The following DLC1 variants were observed in gnomAD, a reference collection of about 807,000 sequenced individuals.
DLC1 encodes rho GTPase-activating protein 7.
In DLC1, 54 loss-of-function variants were observed where a neutral mutation model predicts 140.3. The observed-to-expected ratio is 0.38, with a 90% confidence interval of 0.31 to 0.48. The LOEUF is 0.48. DLC1 is among the 20% of genes least tolerant of loss of function. DLC1 has a pLI of 0.96. For missense variants in DLC1, 2,536 were observed against 1,907.0 expected (o/e 1.33, Z -6.14); for synonymous variants, 986 against 728.1 (o/e 1.35, Z -5.70).
chr8:13,415,017 T>C (rs1585068062), intron 2 of DLC1, among the ~76,000 whole-genome samples: 1 of 152,148 alleles, frequency 6.6e-6, no homozygotes, highest in East Asian at 1.9e-4. Context: ...TTTCACCATG[T>C]TGGTCAGGCT....
chr8:13,412,931 C>CA (rs771025112), intron 2 of DLC1, among the ~76,000 whole-genome samples: 27,886 of 93,578 alleles, frequency 0.3, 4,005 homozygotes, highest in Middle Eastern at 0.37. Flanking sequence ...GACTCCATCT[C>CA]AAAAAAAAAA....
At chr8:13,341,183 C>G (rs1017977850) in intron 4 of DLC1, 1 of 152,122 alleles carries the variant, frequency 6.6e-6, no homozygotes, top group Non-Finnish European at 1.5e-5. Context: ...ACACCAATAA[C>G]AAATGCATAA....
chr8:13,570,631 T>C (rs1017446891), intron 1 of DLC1, among the ~76,000 whole-genome samples: 5 of 151,442 alleles, frequency 3.3e-5, no homozygotes, highest in Admixed American at 2.0e-4. Context: ...GAACTCATCA[T>C]TTTTTATGGC....
intron 1 of DLC1, among the ~76,000 whole-genome samples, chr8:13,524,808 C>G (rs1000552436): frequency 6.6e-6 from 1 of 151,326 alleles, no homozygotes; most frequent in Non-Finnish European, 1.5e-5. Flanking sequence ...TTTGGCATTT[C>G]TCTTATGTAT....
At chr8:13,563,292 T>C (rs1314350801) in intron 1 of DLC1, among the ~76,000 whole-genome samples, 3 of 152,170 alleles carry the variant, frequency 2.0e-5, no homozygotes, top group Non-Finnish European at 4.4e-5. Flanking sequence ...AATTATTAGA[T>C]GATATTAAGG....
chr8:13,274,818 G>T (rs1831095904), intron 5 of DLC1, among the ~76,000 whole-genome samples: 1 of 149,818 alleles, frequency 6.7e-6, no homozygotes, highest in South Asian at 2.1e-4. Context: ...ATTATTTATA[G>T]AATCTTTTCA....
At chr8:13,182,413 G>T (rs1416612514) in intron 5 of DLC1, among the ~76,000 whole-genome samples, 4 of 152,002 alleles carry the variant, frequency 2.6e-5, no homozygotes, top group Admixed American at 2.6e-4. Context: ...TGTCCTGAAT[G>T]GTATTGCCTA....
chr8:13,316,025 C>T (rs1053728836), intron 4 of DLC1, among the ~76,000 whole-genome samples: 1 of 152,218 alleles, frequency 6.6e-6, no homozygotes, highest in Non-Finnish European at 1.5e-5. Flanking sequence ...CCTCTCCTTC[C>T]CTGACCCCTT....
intron 5 of DLC1, among the ~76,000 whole-genome samples, chr8:13,273,592 C>T (rs142083143): frequency 1.1e-3 from 173 of 152,134 alleles, no homozygotes; most frequent in African/African-American, 4.0e-3. Context: ...AAATAACAGA[C>T]AGGCTCCCTG....
chr8:13,324,202 T>G (rs1444472168), intron 4 of DLC1, among the ~76,000 whole-genome samples: 3 of 152,202 alleles, frequency 2.0e-5, no homozygotes, highest in Admixed American at 2.0e-4. Context: ...AGAAATACCA[T>G]TAAAAAGCAA....
intron 1 of DLC1, among the ~76,000 whole-genome samples, chr8:13,559,996 T>G (rs1044331428): frequency 6.6e-6 from 1 of 152,206 alleles, no homozygotes; most frequent in African/African-American, 2.4e-5. Context: ...CAGCTATCTA[T>G]TGGACTAGCG....
intron 5 of DLC1, among the ~76,000 whole-genome samples, chr8:13,213,130 GATA>G (rs1339442168): frequency 7.2e-5 from 11 of 152,134 alleles, no homozygotes; most frequent in Non-Finnish European, 1.2e-4. Context: ...AATTCTGCAT[GATA>G]ATATCAACAT....
At chr8:13,487,180 CAA>C (rs1801007022) in intron 2 of DLC1, among the ~76,000 whole-genome samples, 1 of 152,160 alleles carries the variant, frequency 6.6e-6, no homozygotes, top group Admixed American at 6.5e-5. Flanking sequence ...CAGGTTTCAA[CAA>C]AGAGTATACT....
At chr8:13,438,402 CTTTT>C (rs148907077) in intron 2 of DLC1, among the ~76,000 whole-genome samples, 1 of 152,062 alleles carries the variant, frequency 6.6e-6, no homozygotes, top group Non-Finnish European at 1.5e-5. Context: ...CGCTTGCATT[CTTTT>C]TTGTTTCTCT....
At chr8:13,602,855 T>A (rs1805933699) in intron 1 of DLC1, among the ~76,000 whole-genome samples, 1 of 151,808 alleles carries the variant, frequency 6.6e-6, no homozygotes, top group African/African-American at 2.4e-5. Flanking sequence ...TTAAAAAGAG[T>A]TTATTGAGAT....
At chr8:13,531,058 C>A (rs1240921045) in intron 1 of DLC1, among the ~76,000 whole-genome samples, 1 of 152,046 alleles carries the variant, frequency 6.6e-6, no homozygotes. Flanking sequence ...AGGAGGAGAT[C>A]CCAGAGTTCT....
intron 4 of DLC1, among the ~76,000 whole-genome samples, chr8:13,366,542 G>C (rs753965609): frequency 2.6e-5 from 4 of 152,246 alleles, no homozygotes; most frequent in Middle Eastern, 6.8e-3. Context: ...AGAAAAGCTG[G>C]GGAAAGAACC....
At chr8:13,358,492 C>T (rs1052562079) in intron 4 of DLC1, among the ~76,000 whole-genome samples, 1 of 151,970 alleles carries the variant, frequency 6.6e-6, no homozygotes, top group East Asian at 1.9e-4. Flanking sequence ...ACTGCATAGG[C>T]GATTATTAAT....
In DLC1 at chr8:13,097,526, A is replaced by C. The variant is rs542210807; in HGVS notation, c.3167+873T>G. 1.5e-4 allele frequency among the ~76,000 whole-genome samples: 23 copies of C among 152,212 alleles called. 1 individual carries two copies. Among genetic ancestry groups the C allele is most frequent in the Middle Eastern group, 3.4e-3 (1 of 294 alleles). On this transcript the variant is annotated intron_variant, in intron 10 of 17. Coordinates refer to ENST00000276297, the MANE Select transcript of DLC1 (RefSeq NM_182643.3). ...TGATCCACCTATGTCAGATTCCCAA[A>C]ATGCTGGGATTACAGGCATGAGCCA...
Sources: gnomAD v4.1 joint callset for allele counts (sites outside exome capture counted in the v4.1 genomes callset) on GRCh38, gnomAD v4.1.1 for gene constraint, MANE v1.5 for transcripts, NCBI Gene and HGNC (gene_info 2026-07-23, HGNC 2026-07-21) for gene names.